The following MYBBP1A variants were observed in gnomAD, a reference collection of about 807,000 sequenced individuals.
MYBBP1A encodes the protein MYB binding protein 1a, also known as myb-binding protein 1A.
A neutral mutation model predicts 136.3 loss-of-function variants in MYBBP1A; 147 were observed. The observed-to-expected ratio is 1.08, with a 90% CI of 0.94 to 1.24. The LOEUF is 1.24. MYBBP1A is among the 50% of genes most tolerant of loss of function. The probability of loss-of-function intolerance (pLI) is 0.00; values close to 1 mark genes in which losing one functional copy is unlikely to be tolerated. For synonymous variants in MYBBP1A, 947 were observed against 735.8 expected (o/e 1.29, Z -4.65); for missense variants, 2,060 against 1,727.4 (o/e 1.19, Z -3.41).
At position 4,539,315 on chromosome 17, in the gene MYBBP1A, G is replaced by C; in HGVS notation, c.*100C>G. ...CACCCTCCCCAGTGGCAGCGCCTTA[G>C]AAACAGCTTGCGTATTAAAATCATG... On this transcript the variant is annotated 3_prime_UTR_variant, in exon 26 of 26. Transcript: ENST00000254718. The C allele has an allele frequency of 4.0e-6, 6 of 1,494,180 alleles. No individual in the cohort carries two copies. Among genetic ancestry groups the C allele is most frequent in the Non-Finnish European group, 5.3e-6 (6 of 1,132,332 alleles). The allele number at this position is 1,494,180 out of a possible 1,614,324, so 92.6% of individuals were successfully genotyped here.
At chr17:4,541,926 G>T in intron 22 of MYBBP1A, 35 bp from the exon 23 acceptor site, 1 of 1,565,584 alleles carries the variant, frequency 6.4e-7, no homozygotes, top group Non-Finnish European at 8.8e-7. Flanking sequence ...CAGGAGCCTT[G>T]GCACGTTGGG....
chr17:4,548,664 A>G lies in MYBBP1A; in HGVS notation c.1431-15T>C, dbSNP rs765499093. The G allele has an allele frequency of 6.6e-5, 107 of 1,613,828 alleles. No homozygotes were observed. The highest frequency in any genetic ancestry group is 8.3e-5 in the Non-Finnish European group (98 of 1,179,978). On this transcript the variant is annotated splice_polypyrimidine_tract_variant and intron_variant, in intron 10 of 25. Coordinates refer to ENST00000254718, the MANE Select transcript of MYBBP1A (RefSeq NM_014520.4). This position sits in a 1 kb window ranked among gnomAD's most constrained non-coding sequence, Gnocchi z 4.2. ...ACAAACAAAACCTGGGGAGGGTGGG[A>G]GAGTGGCCATAGCCATTCACTGCCA...
rs141117140 is a variant in MYBBP1A, at chr17:4,552,554, G to T, written c.634C>A (p.Pro212Thr). ...AGGAGGAAGAGCTCTAGCTGTTCAG[G>T]GGAGCTGAGTATTATATTCAAGTCG... ...KADLNIILSS[P>T]EQLELFLLAQ... is the part of the protein sequence containing the mutation. Residue 212 changes from proline to threonine, a missense_variant, in exon 6 of 26, where the codon CCT becomes ACT. Transcript: ENST00000254718. This position sits in a 1 kb window ranked among gnomAD's most constrained non-coding sequence, Gnocchi z 4.7. 3 of 1,614,064 alleles carry T rather than the reference G, an allele frequency of 1.9e-6. 1 individual carries two copies. The highest frequency in any genetic ancestry group is 2.2e-5 in the East Asian group (1 of 44,884).
At chr17:4,553,749 GCCCCCTT>G in intron 5 of MYBBP1A, 54 bp downstream of exon 5, 1 of 1,270,884 alleles carries the variant, frequency 7.9e-7, no homozygotes, top group Non-Finnish European at 1.1e-6. Flanking sequence ...TCTCATCCGA[GCCCCCTT>G]GATGTCTCTG....
intron 22 of MYBBP1A, 122 bp from the exon 23 acceptor site, chr17:4,542,013 T>A: frequency 1.4e-6 from 1 of 698,474 alleles, no homozygotes; most frequent in Non-Finnish European, 2.4e-6. Context: ...GGCTGCCTGC[T>A]GCTCTGGGCT....
chr17:4,545,268 C>T lies in MYBBP1A; in HGVS notation c.2151G>A (p.Lys717=). ...CCCATGCTGGCAACACCTCTGCACCCTTCAGCCGCCGCTCATCAGAATCGT... is the reference window on the plus strand; with the variant it reads ...CCCATGCTGGCAACACCTCTGCACCTTTCAGCCGCCGCTCATCAGAATCGT... ...VTDDSDERRL[K]GAEDKSEEGE... Residue 717 remains lysine (K), a synonymous_variant, in exon 16 of 26, where the codon AAG becomes AAA. Transcript: ENST00000254718. 6.2e-7 allele frequency: 1 copy of T among 1,613,074 alleles called. No homozygotes were observed. The highest frequency in any genetic ancestry group is 1.1e-5 in the South Asian group (1 of 91,036).
chr17:4,545,280 CTCATCAGAATCGTCCG>C lies in MYBBP1A; in HGVS notation c.2123_2138del (p.Thr708SerfsTer4). On this transcript the variant is annotated frameshift_variant, in exon 16 of 26. Transcript: ENST00000254718. LOFTEE classifies it high-confidence loss of function. ...ACACCTCTGCACCCTTCAGCCGCCG[CTCATCAGAATCGTCCG>C]TCACCACCACACGGTCATTCTCATC... 2 of 1,613,140 alleles carry C rather than the reference CTCATCAGAATCGTCCG, an allele frequency of 1.2e-6. No homozygotes were observed. The highest frequency in any genetic ancestry group is 4.5e-5 in the East Asian group (2 of 44,856).
Position 4,554,026 on chromosome 17 carries a change from A to G in MYBBP1A, c.446T>C (p.Leu149Pro), listed in dbSNP as rs1445112140. 3 of 1,613,908 alleles carry G rather than the reference A, an allele frequency of 1.9e-6. No homozygotes were observed. The highest frequency in any genetic ancestry group is 2.5e-6 in the Non-Finnish European group (3 of 1,180,032). Residue 149 changes from leucine to proline, a missense_variant, in exon 4 of 26, where the codon CTG becomes CCG. Coordinates refer to ENST00000254718, the MANE Select transcript of MYBBP1A (RefSeq NM_014520.4). ...GVLALFQSGR[L>P]VKDQEALMKS... ...TCCCTCCAAAGCTCTTACCTTCACC[A>G]GCCGACCTGACTGAAAGAGGGCGAG...
Position 4,539,624 on chromosome 17 carries a change from G to A in MYBBP1A, c.3778C>T (p.Gln1260Ter), listed in dbSNP as rs1906163767. The part of the protein sequence containing the change: ...KLQKKNQKPS[Q>*]VNGAPGSPTE... ...GGGGACCCGGGAGCTCCATTCACCT[G>A]GGACGGCTTCTGGTTTTTCTTCTGC... The change falls in exon 26 of 26, where the codon CAG (glutamine) becomes TAG (stop). Residue 1260 changes from glutamine to a stop codon, truncating the protein, a stop_gained. Transcript: ENST00000254718. LOFTEE classifies it low-confidence loss of function (END_TRUNC). 1.2e-6 allele frequency: 2 copies of A among 1,613,678 alleles called. No homozygotes were observed. Among genetic ancestry groups the A allele is most frequent in the Non-Finnish European group, 8.5e-7 (1 of 1,179,726 alleles).
Position 4,539,306 on chromosome 17 carries a change from A to C in MYBBP1A, c.*109T>G. On this transcript the variant is annotated 3_prime_UTR_variant, in exon 26 of 26. Transcript: ENST00000254718. The stretch of plus-strand genomic sequence containing the variant: ...GGCAACAGCCACCCTCCCCAGTGGC[A>C]GCGCCTTAGAAACAGCTTGCGTATT... 6.7e-7 allele frequency: 1 copy of C among 1,495,736 alleles called. No homozygotes were observed. The highest frequency in any genetic ancestry group is 8.8e-7 in the Non-Finnish European group (1 of 1,133,224). The allele number at this position is 1,495,736 out of a possible 1,614,324, so 92.7% of individuals were successfully genotyped here. A position where few individuals can be genotyped will look rare whatever the true frequency, so the allele number is the denominator to read the frequency against.
chr17:4,551,074 T>C (rs564199351), intron 8 of MYBBP1A, among the ~76,000 whole-genome samples: 14 of 152,248 alleles, frequency 9.2e-5, no homozygotes, highest in Non-Finnish European at 1.9e-4. Flanking sequence ...CTCAAAATTC[T>C]GGGTTCAAGG....
rs1906197673 is a variant in MYBBP1A, at chr17:4,539,861, GCTT to G, written c.3538_3540del (p.Lys1180del). The stretch of plus-strand genomic sequence containing the variant: ...CCATCCTCTGACTTGCGTTTCTTGC[GCTT>G]CTTCGTCTCTGGCAAGAATCCCTTT... On this transcript the variant is annotated inframe_deletion, in exon 26 of 26. Transcript: ENST00000254718. The G allele has an allele frequency of 1.9e-6, 3 of 1,606,662 alleles. No individual in the cohort carries two copies. Among genetic ancestry groups the G allele is most frequent in the East Asian group, 4.5e-5 (2 of 44,864 alleles).
Position 4,539,117 on chromosome 17 carries a change from C to T in MYBBP1A, c.*298G>A. On this transcript the variant is annotated 3_prime_UTR_variant, in exon 26 of 26. Transcript: ENST00000254718. Reference sequence around the variant, plus strand: ...GAGAGATGGTCACACCTGCCTGCAGCCAGCACATCAACCTGCACCAACCCA... The same window carrying T: ...GAGAGATGGTCACACCTGCCTGCAGTCAGCACATCAACCTGCACCAACCCA... 1 of 1,506,804 alleles carries T rather than the reference C, an allele frequency of 6.6e-7. No individual in the cohort carries two copies. Among genetic ancestry groups the T allele is most frequent in the Non-Finnish European group, 8.9e-7 (1 of 1,126,694 alleles). The allele number at this position is 1,506,804 out of a possible 1,614,324, so 93.3% of individuals were successfully genotyped here. A position where few individuals can be genotyped will look rare whatever the true frequency, so the allele number is the denominator to read the frequency against.
chr17:4,540,229 G>A (rs1196335577), intron 25 of MYBBP1A, 119 bp downstream of exon 25: 1 of 1,368,282 alleles, frequency 7.3e-7, no homozygotes, highest in South Asian at 1.4e-5. Context: ...TGTGTGTGCA[G>A]CAGCATGCGT....
chr17:4,544,999 G>GCCCCCCCCCCC, intron 17 of MYBBP1A, 27 bp downstream of exon 17: 1 of 498,358 alleles, frequency 2.0e-6, no homozygotes. Context: ...CTCCCCGGCC[G>GCCCCCCCCCCC]CCCCCCCCTC....
rs139632940 is a variant in MYBBP1A, at chr17:4,539,513, G to T, written c.3889C>A (p.Arg1297=). The T allele has an allele frequency of 6.0e-5, 97 of 1,613,914 alleles. No individual in the cohort carries two copies. The highest frequency in any genetic ancestry group is 8.0e-5 in the Non-Finnish European group (94 of 1,180,010). ...LGKSPLSALA[R]KKARLSLVIR... ...ACCAAAGACAGCCTTGCCTTTTTCC[G>T]TGCCAGCGCGGACAGTGGTGATTTG... The change falls in exon 26 of 26, where the codon CGG becomes AGG. Residue 1297 remains arginine, a synonymous_variant. Transcript: ENST00000254718.
rs1251423919 is a variant in MYBBP1A, at chr17:4,541,974, C to T, written c.3088-83G>A. 5.8e-6 allele frequency: 6 copies of T among 1,040,704 alleles called. No homozygotes were observed. In the Admixed American group the frequency reaches 5.8e-5, roughly 10 times the overall value. 64.5% of individuals were successfully genotyped at this position (1,040,704 alleles called of 1,614,324 possible). On this transcript the variant is annotated intron_variant, in intron 22 of 25. Transcript: ENST00000254718. ...AGGGATGCATGAGGGCTCGGGGGCC[C>T]GCTGGGCACTGCTGTGGGCAGCGTG...
At chr17:4,546,973 GTCATC>G (rs1340607026) in intron 13 of MYBBP1A, among the ~76,000 whole-genome samples, 3 of 150,212 alleles carry the variant, frequency 2.0e-5, no homozygotes, top group South Asian at 4.2e-4. Flanking sequence ...GTACAGTGGT[GTCATC>G]TCAACTCACT....
Position 4,539,904 on chromosome 17 carries a change from AC to A in MYBBP1A, c.3497del (p.Ser1166IlefsTer96). On this transcript the variant is annotated frameshift_variant, in exon 26 of 26. Transcript: ENST00000254718. LOFTEE classifies it low-confidence loss of function (END_TRUNC). ...EIPSATQSPI[S>X]KKRKKKGFLP... is the part of the protein sequence containing the mutation. ...AGAATCCCTTTTTCTTCCGCTTCTTACTGATGGGGCTCTGGGTGGCACTGGG... is the reference window on the plus strand; with the variant it reads ...AGAATCCCTTTTTCTTCCGCTTCTTATGATGGGGCTCTGGGTGGCACTGGG... 1.2e-6 allele frequency: 2 copies of A among 1,600,336 alleles called. No individual in the cohort carries two copies. The highest frequency in any genetic ancestry group is 1.7e-6 in the Non-Finnish European group (2 of 1,179,830).
Sources: gnomAD v4.1 joint callset for allele counts (sites outside exome capture counted in the v4.1 genomes callset) on GRCh38, gnomAD v4.1.1 for gene constraint, Gnocchi (gnomAD v3.1) non-coding constraint, MANE v1.5 for transcripts, NCBI Gene and HGNC (gene_info 2026-07-23, HGNC 2026-07-21) for gene names.